Variants in LHFPL6 observed in about 807,000 individuals in gnomAD.
LHFPL6 encodes LHFPL tetraspan subfamily member 6.
A neutral mutation model predicts 20.6 loss-of-function variants in LHFPL6; 9 were observed. The observed-to-expected ratio is 0.44, with a 90% CI of 0.26 to 0.76. LHFPL6 has a LOEUF of 0.76. LHFPL6 is among the 30% of genes least tolerant of loss of function. The probability of loss-of-function intolerance (pLI) is 0.20; values close to 1 mark genes in which losing one functional copy is unlikely to be tolerated. For missense variants in LHFPL6, 218 were observed against 253.5 expected (o/e 0.86, Z 0.95); for synonymous variants, 105 against 98.7 (o/e 1.06, Z -0.38).
chr13:39,404,700 G>A (rs539879488), intron 2 of LHFPL6, among the ~76,000 whole-genome samples: 3 of 152,106 alleles, frequency 2.0e-5, no homozygotes, highest in Admixed American at 1.3e-4. Flanking sequence ...CCATTTATGA[G>A]CTCCATCTCA....
At chr13:39,542,096 TATAATA>T (rs5802996) in intron 2 of LHFPL6, among the ~76,000 whole-genome samples, 17,298 of 137,028 alleles carry the variant, frequency 0.13, 1,264 homozygotes, top group East Asian at 0.36. Context: ...ATCTCAAAAA[TATAATA>T]ATAATAATAA....
intron 2 of LHFPL6, among the ~76,000 whole-genome samples, chr13:39,474,908 T>C (rs1873044473): frequency 6.6e-6 from 1 of 152,150 alleles, no homozygotes; most frequent in Admixed American, 6.5e-5. Flanking sequence ...GTGGCAGTGG[T>C]GGAACTGATT....
chr13:39,554,136 C>A (rs1199843972), intron 2 of LHFPL6, among the ~76,000 whole-genome samples: 2 of 152,214 alleles, frequency 1.3e-5, no homozygotes, highest in African/African-American at 4.8e-5. Flanking sequence ...ATTACTTGTC[C>A]TATGACTCTG....
chr13:39,438,351 C>T (rs1489564565), intron 2 of LHFPL6, among the ~76,000 whole-genome samples: 2 of 152,146 alleles, frequency 1.3e-5, no homozygotes, highest in African/African-American at 4.8e-5. Context: ...TTCTAACCAC[C>T]TATGGTCATA....
At chr13:39,556,264 G>T (rs2324340) in intron 2 of LHFPL6, among the ~76,000 whole-genome samples, 3,833 of 152,296 alleles carry the variant, frequency 0.025, 164 homozygotes, top group African/African-American at 0.087. Flanking sequence ...AGCAGCTTTG[G>T]AACTTGGTAA....
intron 2 of LHFPL6, among the ~76,000 whole-genome samples, chr13:39,586,110 A>G (rs1426780417): frequency 2.6e-5 from 4 of 152,186 alleles, no homozygotes; most frequent in Non-Finnish European, 4.4e-5. Context: ...AAAAAAAGAA[A>G]ACGCCAAATT....
At chr13:39,581,164 A>T (rs1306734483) in intron 2 of LHFPL6, among the ~76,000 whole-genome samples, 3 of 152,194 alleles carry the variant, frequency 2.0e-5, no homozygotes, top group African/African-American at 7.2e-5. Flanking sequence ...AAGTATAGAG[A>T]AATGAAAATA....
Position 39,601,351 on chromosome 13 carries a change from G to C in LHFPL6, c.-135C>G. On this transcript the variant is annotated 5_prime_UTR_variant, in exon 2 of 4. Transcript: ENST00000379589. ...GCAGAATGGATCTTCAGTCTTACTG[G>C]GCATCAACTTTCCATCCTCTGCACT... 1.2e-6 allele frequency: 1 copy of C among 818,254 alleles called. No individual in the cohort carries two copies. Among genetic ancestry groups the C allele is most frequent in the Non-Finnish European group, 1.8e-6 (1 of 553,316 alleles). The allele number at this position is 818,254 out of a possible 1,614,324, so 50.7% of individuals were successfully genotyped here.
At chr13:39,586,044 T>C (rs1593374786) in intron 2 of LHFPL6, among the ~76,000 whole-genome samples, 1 of 151,966 alleles carries the variant, frequency 6.6e-6, no homozygotes. Flanking sequence ...TTCCCTGAAC[T>C]CCCATCAGAT....
chr13:39,579,449 ACT>A (rs1872214066), intron 2 of LHFPL6, among the ~76,000 whole-genome samples: 1 of 152,056 alleles, frequency 6.6e-6, no homozygotes, highest in Non-Finnish European at 1.5e-5. Context: ...ACATTAAGTA[ACT>A]CTCTTATAGT....
chr13:39,364,632 G>A (rs1869963712), intron 3 of LHFPL6, among the ~76,000 whole-genome samples: 1 of 152,100 alleles, frequency 6.6e-6, no homozygotes, highest in African/African-American at 2.4e-5. Context: ...GTGGCCCGGT[G>A]GATAGTTTTC....
At chr13:39,387,993 C>T (rs182135988) in intron 2 of LHFPL6, among the ~76,000 whole-genome samples, 1 of 152,064 alleles carries the variant, frequency 6.6e-6, no homozygotes, top group Non-Finnish European at 1.5e-5. Flanking sequence ...TGAGCGCTGG[C>T]ACACAAAAAG....
chr13:39,513,439 TA>T (rs1869794396), intron 2 of LHFPL6, among the ~76,000 whole-genome samples: 1 of 152,216 alleles, frequency 6.6e-6, no homozygotes. Flanking sequence ...CAGTGGCCTT[TA>T]TTTGAATTTT....
intron 2 of LHFPL6, among the ~76,000 whole-genome samples, chr13:39,457,911 TG>T (rs1305250556): frequency 2.0e-5 from 3 of 152,162 alleles, no homozygotes; most frequent in Non-Finnish European, 4.4e-5. Context: ...AGTAACACAG[TG>T]AAATTAAGAT....
chr13:39,373,643 A>G (rs1004345586), intron 3 of LHFPL6, among the ~76,000 whole-genome samples: 1 of 152,220 alleles, frequency 6.6e-6, no homozygotes, highest in Non-Finnish European at 1.5e-5. Context: ...ATAAACGAGC[A>G]CAGCTGAAAT....
chr13:39,584,690 G>C (rs2324346), intron 2 of LHFPL6, among the ~76,000 whole-genome samples: 110,096 of 151,668 alleles, frequency 0.73, 41,371 homozygotes, highest in East Asian at 0.83. Flanking sequence ...AAAGGAACAG[G>C]CTTAATGTCT....
intron 2 of LHFPL6, among the ~76,000 whole-genome samples, chr13:39,534,120 A>G (rs1593352676): frequency 6.6e-6 from 1 of 152,234 alleles, no homozygotes; most frequent in Admixed American, 6.5e-5. Context: ...AAAACAAGAG[A>G]TAAGTTTTTT....
intron 2 of LHFPL6, among the ~76,000 whole-genome samples, chr13:39,503,312 TA>T (rs1196748413): frequency 6.6e-6 from 1 of 152,204 alleles, no homozygotes; most frequent in African/African-American, 2.4e-5. Flanking sequence ...CCTCTGCCTC[TA>T]ACACGTTTCT....
chr13:39,372,195 T>C (rs781480919), intron 3 of LHFPL6, among the ~76,000 whole-genome samples: 28 of 152,160 alleles, frequency 1.8e-4, no homozygotes, highest in Non-Finnish European at 3.7e-4. Context: ...CAGTCAAGTC[T>C]GTAGCTGACC....
Sources: gnomAD v4.1 joint callset for allele counts (sites outside exome capture counted in the v4.1 genomes callset) on GRCh38, gnomAD v4.1.1 for gene constraint, MANE v1.5 for transcripts, NCBI Gene and HGNC (gene_info 2026-07-23, HGNC 2026-07-21) for gene names.